ZNF254: variants seen among roughly 807,000 people sequenced by gnomAD.
ZNF254 encodes CTD-2017D11.1.
A neutral mutation model predicts 12.4 loss-of-function variants in ZNF254; 10 were observed. The ratio of observed to expected loss-of-function variants is 0.80; its 90% CI spans 0.50 to 1.36. The LOEUF (loss-of-function observed/expected upper bound fraction) is 1.36, where lower values mean the gene tolerates loss of function less well. Ranked by LOEUF, ZNF254 falls within the 40% of genes most tolerant of loss-of-function variation. The pLI is 0.00. For synonymous variants in ZNF254, 305 were observed against 253.4 expected (o/e 1.20, Z -1.93); for missense variants, 996 against 763.9 (o/e 1.30, Z -3.58).
intron 2 of ZNF254, among the ~76,000 whole-genome samples, chr19:24,077,794 G>A (rs1971711711): frequency 6.6e-6 from 1 of 152,172 alleles, no homozygotes; most frequent in Non-Finnish European, 1.5e-5. Context: ...GTCTAAAGGA[G>A]TGGAGGGCAG....
At chr19:24,051,610 CCT>C (rs1188781600) in intron 2 of ZNF254, among the ~76,000 whole-genome samples, 1 of 151,324 alleles carries the variant, frequency 6.6e-6, no homozygotes, top group Non-Finnish European at 1.5e-5. Flanking sequence ...AGGTGACTCT[CCT>C]CTCCAGCCTG....
intron 2 of ZNF254, chr19:24,106,317 T>A (rs912912684): frequency 3.6e-6 from 2 of 552,340 alleles, no homozygotes; most frequent in African/African-American, 4.0e-5. Flanking sequence ...TATTGTTACA[T>A]CTTAAAATCC....
chr19:24,126,462 T>C lies in ZNF254; in HGVS notation c.462T>C (p.Phe154=). The C allele has an allele frequency of 1.3e-6, 2 of 1,591,560 alleles. No homozygotes were observed. The highest frequency in any genetic ancestry group is 1.7e-6 in the Non-Finnish European group (2 of 1,173,086). Residue 154 remains phenylalanine, a synonymous_variant, in exon 4 of 4, where the codon TTT becomes TTC. Coordinates refer to ENST00000357002, the MANE Select transcript of ZNF254 (RefSeq NM_203282.4). ...QCFTTAQSKV[F]QCDKYLKVFY... is the part of the protein sequence containing the mutation. ...TCACAACTGCCCAGAGCAAAGTATT[T>C]CAATGTGATAAATATTTGAAAGTCT...
intron 3 of ZNF254, among the ~76,000 whole-genome samples, chr19:24,111,698 G>T (rs1166693858): frequency 6.6e-6 from 1 of 152,182 alleles, no homozygotes; most frequent in South Asian, 2.1e-4. Flanking sequence ...TTTCTCTGAT[G>T]GCCAGTGATG....
chr19:24,118,772 G>A (rs547656968), intron 3 of ZNF254, among the ~76,000 whole-genome samples: 29 of 151,998 alleles, frequency 1.9e-4, no homozygotes, highest in South Asian at 1.2e-3. Context: ...AGAAAATGGC[G>A]CCAAGATTAT....
rs533110475 is a variant in ZNF254 at position 24,129,050 on chromosome 19, C to A, written c.*1070C>A. 10 of 151,766 alleles carry A rather than the reference C, an allele frequency of 6.6e-5. No homozygotes were observed. The highest frequency in any genetic ancestry group is 6.2e-4 in the South Asian group (3 of 4,806). The allele number at this position is 151,766 out of a possible 1,614,324, so 9.4% of individuals were successfully genotyped here. A position where few individuals can be genotyped will look rare whatever the true frequency, so the allele number is the denominator to read the frequency against. ...CTTTTTTATTAGGCATTATTTATGA[C>A]CTTTTCTATGAAAAGATAAGGACAT... On this transcript the variant is annotated 3_prime_UTR_variant, in exon 4 of 4. Coordinates refer to ENST00000357002, the MANE Select transcript of ZNF254 (RefSeq NM_203282.4).
intron 2 of ZNF254, among the ~76,000 whole-genome samples, chr19:24,073,817 C>A (rs906156960): frequency 6.6e-6 from 1 of 152,204 alleles, no homozygotes; most frequent in Non-Finnish European, 1.5e-5. Context: ...ACTCAACATA[C>A]AAAAAGTGTT....
chr19:24,067,855 C>T (rs1470277663), intron 2 of ZNF254, among the ~76,000 whole-genome samples: 2 of 152,124 alleles, frequency 1.3e-5, no homozygotes, highest in Non-Finnish European at 2.9e-5. Context: ...GAGTCTTCCA[C>T]ATAAGCCCTG....
chr19:24,113,004 A>T (rs556731250), intron 3 of ZNF254, among the ~76,000 whole-genome samples: 18 of 152,314 alleles, frequency 1.2e-4, no homozygotes, highest in Non-Finnish European at 2.2e-4. Context: ...CTCTGAAGAG[A>T]CCAATAAAAG....
intron 3 of ZNF254, among the ~76,000 whole-genome samples, chr19:24,118,962 T>C (rs1156887383): frequency 2.0e-5 from 3 of 151,746 alleles, no homozygotes; most frequent in African/African-American, 4.8e-5. Flanking sequence ...ATACAAAAAA[T>C]TAGCCAGGCG....
chr19:24,119,515 G>A (rs1009277444), intron 3 of ZNF254, among the ~76,000 whole-genome samples: 1 of 151,826 alleles, frequency 6.6e-6, no homozygotes, highest in African/African-American at 2.4e-5. Flanking sequence ...CTTGAGATAG[G>A]GTCTCACTCT....
At chr19:24,073,488 CAG>C (rs1355445392) in intron 2 of ZNF254, among the ~76,000 whole-genome samples, 2 of 152,158 alleles carry the variant, frequency 1.3e-5, no homozygotes, top group Admixed American at 1.3e-4. Context: ...TCAGATGGTA[CAG>C]AGAGTTTTAT....
intron 1 of ZNF254, among the ~76,000 whole-genome samples, chr19:24,037,809 A>G (rs768366261): frequency 9.4e-4 from 143 of 152,246 alleles, no homozygotes; most frequent in African/African-American, 3.3e-3. Flanking sequence ...GGGTTTCTCC[A>G]TGTTGGTCAG....
intron 1 of ZNF254, among the ~76,000 whole-genome samples, chr19:24,042,435 C>T (rs1406886514): frequency 6.6e-6 from 1 of 152,218 alleles, no homozygotes; most frequent in Non-Finnish European, 1.5e-5. Context: ...TTCTTTAACT[C>T]TTTGCAGTAA....
intron 2 of ZNF254, chr19:24,066,004 T>A (rs1971256366): frequency 6.6e-6 from 1 of 152,194 alleles, no homozygotes; most frequent in Admixed American, 6.5e-5. Context: ...ATCTAGGTGA[T>A]GTGACTCTCC....
In ZNF254 at chr19:24,129,747, GTTA is replaced by G. The variant is rs1975114617; in HGVS notation, c.*1770_*1772del. The G allele has an allele frequency of 6.6e-6, 1 of 151,730 alleles. No individual in the cohort carries two copies. 9.4% of individuals were successfully genotyped at this position (151,730 alleles called of 1,614,324 possible). ...TTTTAGTTATTTTTAAATTTACAAT[GTTA>G]TTGATTACAGGGTCATTTTTATGGT... On this transcript the variant is annotated 3_prime_UTR_variant, in exon 4 of 4. Coordinates refer to ENST00000357002, the MANE Select transcript of ZNF254 (RefSeq NM_203282.4).
At chr19:24,109,441 A>G (rs1973530814) in intron 3 of ZNF254, among the ~76,000 whole-genome samples, 2 of 151,964 alleles carry the variant, frequency 1.3e-5, no homozygotes, top group Non-Finnish European at 2.9e-5. Context: ...TTCCAGTTCT[A>G]TATTAGTGTG....
chr19:24,049,214 A>ATATATATATTTTT (rs1160333151), intron 2 of ZNF254, among the ~76,000 whole-genome samples: 31 of 40,810 alleles, frequency 7.6e-4, no homozygotes, highest in Non-Finnish European at 8.6e-4. Flanking sequence ...ATATATATAT[A>ATATATATATTTTT]TTTTTTTTTT....
At chr19:24,123,556 TA>T (rs1974628338) in intron 3 of ZNF254, among the ~76,000 whole-genome samples, 1 of 152,150 alleles carries the variant, frequency 6.6e-6, no homozygotes, top group Admixed American at 6.6e-5. Flanking sequence ...ATTCTGTCAA[TA>T]TTTGCTTTAT....
Sources: allele counts gnomAD v4.1 joint callset (sites outside exome capture counted in the v4.1 genomes callset), GRCh38; gene constraint gnomAD v4.1.1; transcripts MANE v1.5; gene names NCBI Gene and HGNC (gene_info 2026-07-23, HGNC 2026-07-21).